The following GRIA1 variants were observed in gnomAD, a reference collection of about 807,000 sequenced individuals.
GRIA1 encodes the protein glutamate ionotropic receptor AMPA type subunit 1, also known as glutamate receptor 1.
A neutral mutation model predicts 99.2 loss-of-function variants in GRIA1; 31 were observed. The observed-to-expected ratio is 0.31, with a 90% CI of 0.23 to 0.42. GRIA1 has a LOEUF of 0.42. Among genes scored for constraint, GRIA1 ranks in the 10% least tolerant of loss-of-function variants. The probability of loss-of-function intolerance (pLI) is 1.00; values close to 1 mark genes in which losing one functional copy is unlikely to be tolerated. For synonymous variants in GRIA1, 438 were observed against 432.4 expected, an observed-to-expected ratio of 1.01 and a Z score of -0.16; for missense variants, 782 against 1,157.5, an observed-to-expected ratio of 0.68 and a Z score of 4.71.
chr5:153,792,106 A>G (rs1765337541), intron 13 of GRIA1, among the ~76,000 whole-genome samples: 1 of 152,204 alleles, frequency 6.6e-6, no homozygotes, highest in South Asian at 2.1e-4. Context: ...CATAAGAGAT[A>G]AAGTCAAGTC....
intron 13 of GRIA1, among the ~76,000 whole-genome samples, chr5:153,771,624 C>T (rs932329307): frequency 2.6e-5 from 4 of 152,164 alleles, no homozygotes; most frequent in South Asian, 2.1e-4. Flanking sequence ...ACCTAGAGAA[C>T]ATCTACTTCC....
chr5:153,501,600 A>G (rs1755018915), intron 2 of GRIA1, among the ~76,000 whole-genome samples: 1 of 152,260 alleles, frequency 6.6e-6, no homozygotes, highest in South Asian at 2.1e-4. Context: ...TTTTCTCATC[A>G]GAAATCAGAT....
intron 13 of GRIA1, 49 bp from the exon 14 acceptor site, chr5:153,794,572 A>C (rs768599991): frequency 1.6e-6 from 2 of 1,241,206 alleles, no homozygotes; most frequent in South Asian, 2.4e-5. Flanking sequence ...TGACTTGCTG[A>C]GTGTTCTCCA....
chr5:153,497,864 T>C (rs1754596286), intron 2 of GRIA1, among the ~76,000 whole-genome samples: 1 of 152,170 alleles, frequency 6.6e-6, no homozygotes, highest in African/African-American at 2.4e-5. Flanking sequence ...TTCTATCCTG[T>C]AAAGAGAAAA....
At chr5:153,741,135 C>G (rs996569202) in intron 11 of GRIA1, among the ~76,000 whole-genome samples, 2 of 152,028 alleles carry the variant, frequency 1.3e-5, no homozygotes, top group Admixed American at 6.5e-5. Context: ...TGCCACCACT[C>G]CTGGCTAATT....
chr5:153,803,994 C>G (rs1349284675), intron 15 of GRIA1, among the ~76,000 whole-genome samples: 2 of 152,188 alleles, frequency 1.3e-5, no homozygotes, highest in African/African-American at 2.4e-5. Flanking sequence ...AGCCTACCTA[C>G]CCCACTCCCA....
chr5:153,647,275 C>T, intron 3 of GRIA1, 108 bp downstream of exon 3: 1 of 1,315,034 alleles, frequency 7.6e-7, no homozygotes, highest in Non-Finnish European at 1.1e-6. Context: ...GGAAAATTAT[C>T]CAAAATGCTT....
chr5:153,647,565 C>G (rs946144002), intron 3 of GRIA1, among the ~76,000 whole-genome samples: 2 of 152,102 alleles, frequency 1.3e-5, no homozygotes, highest in African/African-American at 4.8e-5. Flanking sequence ...TTCTCTATGC[C>G]TTCATTTTCT....
chr5:153,537,803 AG>A (rs1193281492), intron 2 of GRIA1, among the ~76,000 whole-genome samples: 20 of 152,198 alleles, frequency 1.3e-4, no homozygotes. Context: ...TTTTATCTGC[AG>A]GTTGATAAAA....
At chr5:153,776,899 C>T (rs928371240) in intron 13 of GRIA1, among the ~76,000 whole-genome samples, 5 of 152,102 alleles carry the variant, frequency 3.3e-5, no homozygotes, top group African/African-American at 1.2e-4. Flanking sequence ...GTAGGCCTTC[C>T]CTGGAATCCT....
intron 2 of GRIA1, among the ~76,000 whole-genome samples, chr5:153,550,844 T>C (rs1760069229): frequency 6.6e-6 from 1 of 152,124 alleles, no homozygotes; most frequent in African/African-American, 2.4e-5. Context: ...AGGTTCTAAT[T>C]CAGTAGGTCT....
chr5:153,789,318 C>CATATATATATATATATATATAT (rs70978507), intron 13 of GRIA1, among the ~76,000 whole-genome samples: 12 of 147,482 alleles, frequency 8.1e-5, no homozygotes, highest in African/African-American at 3.0e-4. Context: ...TTTGATATTA[C>CATATATATATATATATATATAT]ATATATATAT....
chr5:153,739,381 G>A (rs1048474413), intron 11 of GRIA1, among the ~76,000 whole-genome samples: 1 of 152,180 alleles, frequency 6.6e-6, no homozygotes, highest in Non-Finnish European at 1.5e-5. Flanking sequence ...AGCTTAGAAA[G>A]TCCCTCATCT....
chr5:153,533,976 A>G (rs1758319985), intron 2 of GRIA1, among the ~76,000 whole-genome samples: 3 of 152,144 alleles, frequency 2.0e-5, no homozygotes, highest in Admixed American at 2.0e-4. Context: ...AATCTGTCAA[A>G]CTCCAGAGTG....
At chr5:153,688,478 A>T (rs921570888) in intron 8 of GRIA1, among the ~76,000 whole-genome samples, 2 of 152,230 alleles carry the variant, frequency 1.3e-5, no homozygotes, top group African/African-American at 4.8e-5. Context: ...CCACATCTGT[A>T]AAACGGGCAC....
At chr5:153,729,471 A>C (rs1370677551) in intron 11 of GRIA1, among the ~76,000 whole-genome samples, 2 of 152,104 alleles carry the variant, frequency 1.3e-5, no homozygotes, top group African/African-American at 2.4e-5. Flanking sequence ...TAACCAGTTG[A>C]GTCTAAGGTA....
At chr5:153,588,523 T>A (rs1763694287) in intron 2 of GRIA1, among the ~76,000 whole-genome samples, 1 of 152,242 alleles carries the variant, frequency 6.6e-6, no homozygotes, top group South Asian at 2.1e-4. Context: ...TAGAACATAG[T>A]GACAGAAGGA....
intron 14 of GRIA1, chr5:153,795,616 G>C (rs368459750): frequency 7.6e-7 from 1 of 1,318,378 alleles, no homozygotes; most frequent in Non-Finnish European, 1.1e-6. Flanking sequence ...CAGAGGTCAC[G>C]CACACCTGTA....
At chr5:153,641,334 C>T (rs1406516178) in intron 2 of GRIA1, among the ~76,000 whole-genome samples, 1 of 152,124 alleles carries the variant, frequency 6.6e-6, no homozygotes, top group African/African-American at 2.4e-5. Context: ...CCCTGGGAGA[C>T]AGCTGTCAGG....
Sources: allele counts gnomAD v4.1 joint callset (sites outside exome capture counted in the v4.1 genomes callset), GRCh38; gene constraint gnomAD v4.1.1; transcripts MANE v1.5; gene names NCBI Gene and HGNC (gene_info 2026-07-23, HGNC 2026-07-21).